The following MYO10 variants were observed in gnomAD, a reference collection of about 807,000 sequenced individuals.
MYO10 encodes unconventional myosin-X.
Under a neutral mutation model 257.3 loss-of-function variants are expected in MYO10, and 133 were observed. That is an observed-to-expected ratio of 0.52 (90% CI 0.45 to 0.60). MYO10 has a LOEUF of 0.60. Ranked by LOEUF, MYO10 falls within the 20% of genes least tolerant of loss-of-function variation. The probability of loss-of-function intolerance (pLI) is 0.00; values close to 1 mark genes in which losing one functional copy is unlikely to be tolerated. For missense variants in MYO10, 2,399 were observed against 2,635.7 expected, an observed-to-expected ratio of 0.91 and a Z score of 1.97; for synonymous variants, 1,104 against 1,028.6, an observed-to-expected ratio of 1.07 and a Z score of -1.40.
At chr5:16,836,473 C>G (rs995789085) in intron 2 of MYO10, among the ~76,000 whole-genome samples, 2 of 152,106 alleles carry the variant, frequency 1.3e-5, no homozygotes, top group African/African-American at 4.8e-5. Flanking sequence ...ATGAAGAAGG[C>G]CAACAGCAAA....
At chr5:16,863,828 TG>T (rs1446032798) in intron 2 of MYO10, among the ~76,000 whole-genome samples, 1 of 152,198 alleles carries the variant, frequency 6.6e-6, no homozygotes, top group African/African-American at 2.4e-5. Flanking sequence ...CCAGGTGCGG[TG>T]GCTCATGCCT....
At chr5:16,702,437 C>G in intron 24 of MYO10, 106 bp downstream of exon 24, 1 of 1,071,046 alleles carries the variant, frequency 9.3e-7, no homozygotes, top group Non-Finnish European at 1.4e-6. Flanking sequence ...AATTGTTCTT[C>G]CTGTTATCTT....
intron 3 of MYO10, among the ~76,000 whole-genome samples, chr5:16,797,966 G>A (rs1434078154): frequency 6.6e-6 from 1 of 152,244 alleles, no homozygotes; most frequent in East Asian, 1.9e-4. Flanking sequence ...ATGTCATGGG[G>A]CTCTGCTCTC....
At chr5:16,714,870 A>T (rs1738779802) in intron 19 of MYO10, among the ~76,000 whole-genome samples, 3 of 152,322 alleles carry the variant, frequency 2.0e-5, no homozygotes, top group African/African-American at 7.2e-5. Flanking sequence ...GTTACTGGGT[A>T]CAAAAAATAG....
chr5:16,852,367 T>A (rs1362431909), intron 2 of MYO10, among the ~76,000 whole-genome samples: 1 of 152,142 alleles, frequency 6.6e-6, no homozygotes, highest in East Asian at 1.9e-4. Context: ...CTTCTCCCCA[T>A]GCATATGTAA....
chr5:16,804,626 A>G (rs1206317921), intron 3 of MYO10, among the ~76,000 whole-genome samples: 1 of 152,188 alleles, frequency 6.6e-6, no homozygotes, highest in East Asian at 1.9e-4. Flanking sequence ...TAATCCCAGC[A>G]CTTTGGGAAG....
chr5:16,698,294 A>G (rs1737853597), intron 26 of MYO10, among the ~76,000 whole-genome samples: 1 of 152,064 alleles, frequency 6.6e-6, no homozygotes, highest in Non-Finnish European at 1.5e-5. Flanking sequence ...ACCTGAGTTC[A>G]AGGCTGCAGT....
At chr5:16,714,461 A>AC (rs1738760423) in intron 19 of MYO10, among the ~76,000 whole-genome samples, 2 of 152,050 alleles carry the variant, frequency 1.3e-5, no homozygotes, top group Non-Finnish European at 2.9e-5. Context: ...AGTAGAGACC[A>AC]ACGGGGTCAG....
chr5:16,935,712 C>T, intron 1 of MYO10, 76 bp downstream of exon 1: 1 of 1,584,506 alleles, frequency 6.3e-7, no homozygotes, highest in Non-Finnish European at 8.7e-7. Context: ...AAAAAGTACC[C>T]AGGGCGCGCG....
chr5:16,799,144 T>C (rs1490924645), intron 3 of MYO10, among the ~76,000 whole-genome samples: 1 of 151,122 alleles, frequency 6.6e-6, no homozygotes, highest in African/African-American at 2.4e-5. Flanking sequence ...AAAAGAATGA[T>C]CATGTTTTTT....
At chr5:16,708,587 G>C (rs1738451795) in intron 21 of MYO10, among the ~76,000 whole-genome samples, 1 of 152,172 alleles carries the variant, frequency 6.6e-6, no homozygotes, top group Non-Finnish European at 1.5e-5. Flanking sequence ...TTTGAGACAA[G>C]GTTTCACTCT....
chr5:16,793,704 C>A (rs554775409), intron 4 of MYO10, among the ~76,000 whole-genome samples: 1 of 152,060 alleles, frequency 6.6e-6, no homozygotes, highest in African/African-American at 2.4e-5. Context: ...CTGAGGCAGG[C>A]GGATCACCTG....
chr5:16,855,814 C>A (rs775960509), intron 2 of MYO10, among the ~76,000 whole-genome samples: 1 of 152,344 alleles, frequency 6.6e-6, no homozygotes, highest in Non-Finnish European at 1.5e-5. Context: ...TGAACTCTGA[C>A]GTGGCGGGGA....
intron 2 of MYO10, among the ~76,000 whole-genome samples, chr5:16,827,675 A>G (rs1200810388): frequency 2.0e-5 from 3 of 152,192 alleles, no homozygotes; most frequent in African/African-American, 7.2e-5. Flanking sequence ...TTTCTTTTTC[A>G]AAGACTCAAA....
chr5:16,890,982 T>A (rs1745031900), intron 1 of MYO10, among the ~76,000 whole-genome samples: 1 of 151,512 alleles, frequency 6.6e-6, no homozygotes, highest in Admixed American at 6.6e-5. Flanking sequence ...AGAAGTTAAA[T>A]CCATAGAGAC....
At chr5:16,873,606 C>T (rs1157953998) in intron 2 of MYO10, among the ~76,000 whole-genome samples, 1 of 152,198 alleles carries the variant, frequency 6.6e-6, no homozygotes, top group African/African-American at 2.4e-5. Context: ...CCATGAGGGC[C>T]CCACCCCTGC....
rs1737000514 is a variant in MYO10 at position 16,681,519 on chromosome 5, A to G, written c.4190-16T>C. 15 of 1,592,676 alleles carry G rather than the reference A, an allele frequency of 9.4e-6. No individual in the cohort carries two copies. The highest frequency in any genetic ancestry group is 1.3e-5 in the Non-Finnish European group (15 of 1,169,942). On this transcript the variant is annotated splice_polypyrimidine_tract_variant and intron_variant, in intron 31 of 40. Coordinates refer to ENST00000513610, the MANE Select transcript of MYO10 (RefSeq NM_012334.3). ...TGCAACCATCCTGGAAAAAAAGATT[A>G]AAGTGTAAATTAAAATCTGTGAGGA...
At chr5:16,818,398 G>GTATATATATA (rs1189413374) in intron 2 of MYO10, among the ~76,000 whole-genome samples, 1 of 107,762 alleles carries the variant, frequency 9.3e-6, no homozygotes, top group Non-Finnish European at 1.9e-5. Context: ...GTGTGTGTGT[G>GTATATATATA]TGTGTGTGTG....
intron 1 of MYO10, 27 bp from the exon 2 acceptor site, chr5:16,877,734 C>T: frequency 6.3e-7 from 1 of 1,579,474 alleles, no homozygotes; most frequent in Admixed American, 1.7e-5. Flanking sequence ...CAAGACTGAA[C>T]TGAGTTTGGA....
Sources: gnomAD v4.1 joint callset for allele counts (sites outside exome capture counted in the v4.1 genomes callset) on GRCh38, gnomAD v4.1.1 for gene constraint, MANE v1.5 for transcripts, NCBI Gene and HGNC (gene_info 2026-07-23, HGNC 2026-07-21) for gene names.